IMMP2L: variants seen among roughly 807,000 people sequenced by gnomAD.
The protein encoded by IMMP2L is inner mitochondrial membrane peptidase subunit 2.
IMMP2L carries 18 observed loss-of-function variants against 19.3 expected under a neutral mutation model. The observed-to-expected ratio is 0.93, with a 90% CI of 0.64 to 1.38. The LOEUF is 1.38. Among genes scored for constraint, IMMP2L ranks in the 40% most tolerant of loss-of-function variants. The pLI is 0.00. For synonymous variants in IMMP2L, 76 were observed against 73.0 expected, an observed-to-expected ratio of 1.04 and a Z score of -0.21; for missense variants, 233 against 218.2, an observed-to-expected ratio of 1.07 and a Z score of -0.43.
chr7:111,214,516 T>G (rs1427608015), intron 3 of IMMP2L, among the ~76,000 whole-genome samples: 17 of 144,680 alleles, frequency 1.2e-4, no homozygotes, highest in East Asian at 2.0e-4. Context: ...TTTTTTTTTT[T>G]TTTTTTTTTT....
chr7:111,059,545 T>C (rs536253018), intron 3 of IMMP2L, among the ~76,000 whole-genome samples: 1 of 152,154 alleles, frequency 6.6e-6, no homozygotes, highest in African/African-American at 2.4e-5. Flanking sequence ...TAACACTTCA[T>C]GAGGGGAGGG....
intron 5 of IMMP2L, among the ~76,000 whole-genome samples, 177 bp from the exon 6 acceptor site, chr7:110,663,898 G>T (rs1791241381): frequency 6.6e-6 from 1 of 152,046 alleles, no homozygotes; most frequent in Admixed American, 6.6e-5. Flanking sequence ...AATACAGTAA[G>T]CACTTATATA....
intron 2 of IMMP2L, among the ~76,000 whole-genome samples, chr7:111,517,174 C>T (rs1845943911): frequency 6.6e-6 from 1 of 151,850 alleles, no homozygotes; most frequent in African/African-American, 2.4e-5. Context: ...TAATTTCAAA[C>T]TCAGCAGGAA....
At chr7:110,978,015 C>T (rs186900918) in intron 3 of IMMP2L, among the ~76,000 whole-genome samples, 68 of 151,948 alleles carry the variant, frequency 4.5e-4, no homozygotes, top group Non-Finnish European at 6.2e-4. Context: ...TTGTTCCTCA[C>T]GAAAAACTAG....
At chr7:111,012,991 G>A (rs77151181) in intron 3 of IMMP2L, among the ~76,000 whole-genome samples, 4,903 of 152,178 alleles carry the variant, frequency 0.032, 118 homozygotes, top group South Asian at 0.077. Flanking sequence ...CATACCTGAC[G>A]TATTATACAT....
At chr7:111,458,255 G>A (rs993668545) in intron 3 of IMMP2L, among the ~76,000 whole-genome samples, 11 of 151,842 alleles carry the variant, frequency 7.2e-5, no homozygotes, top group Non-Finnish European at 1.5e-5. Context: ...GCGTGCGCCT[G>A]TACTCCCCAG....
At position 110,766,332 on chromosome 7, in the gene IMMP2L, T is replaced by G. The variant is rs528535610; in HGVS notation, c.409-102611A>C. Among the ~76,000 whole-genome samples, 290 of 152,268 alleles carry G rather than the reference T, an allele frequency of 1.9e-3. 1 individual carries two copies. The highest frequency in any genetic ancestry group is 3.4e-3 in the Non-Finnish European group (233 of 68,018). On this transcript the variant is annotated intron_variant, in intron 5 of 5. Transcript: ENST00000405709. ...GTGGCCGGGCGCAGTGGCTCAGGCC[T>G]GTAATCCCAGCACTTTGGGAGTCTA...
At chr7:111,258,167 AATG>A (rs1685931780) in intron 3 of IMMP2L, among the ~76,000 whole-genome samples, 1 of 152,182 alleles carries the variant, frequency 6.6e-6, no homozygotes, top group South Asian at 2.1e-4. Context: ...TCAACAAAAT[AATG>A]ATAACTAAGA....
At chr7:111,129,787 C>T (rs1421615901) in intron 3 of IMMP2L, among the ~76,000 whole-genome samples, 1 of 152,034 alleles carries the variant, frequency 6.6e-6, no homozygotes, top group Non-Finnish European at 1.5e-5. Context: ...TTACGTTATT[C>T]TTCTAAAGGA....
At chr7:111,181,849 C>T (rs937864058) in intron 3 of IMMP2L, among the ~76,000 whole-genome samples, 2 of 151,920 alleles carry the variant, frequency 1.3e-5, no homozygotes, top group East Asian at 1.9e-4. Flanking sequence ...TTACTTCTTA[C>T]GGCTAAAATA....
At chr7:111,534,402 A>G (rs1182127378) in intron 1 of IMMP2L, among the ~76,000 whole-genome samples, 1 of 152,072 alleles carries the variant, frequency 6.6e-6, no homozygotes, top group Non-Finnish European at 1.5e-5. Flanking sequence ...ATATGAACCC[A>G]TTTATGTGAA....
chr7:110,893,605 G>T (rs1811037841), intron 4 of IMMP2L, among the ~76,000 whole-genome samples: 1 of 152,060 alleles, frequency 6.6e-6, no homozygotes, highest in Admixed American at 6.6e-5. Context: ...GATTCAGGGG[G>T]TACATGTGCA....
At chr7:111,014,390 C>T (rs1035970666) in intron 3 of IMMP2L, among the ~76,000 whole-genome samples, 7 of 151,506 alleles carry the variant, frequency 4.6e-5, no homozygotes, top group African/African-American at 1.5e-4. Flanking sequence ...TATATATATA[C>T]ACACACACAT....
At chr7:111,086,902 T>G (rs192135172) in intron 3 of IMMP2L, among the ~76,000 whole-genome samples, 68 of 152,348 alleles carry the variant, frequency 4.5e-4, no homozygotes, top group African/African-American at 1.6e-3. Flanking sequence ...ACTAATTCCT[T>G]TTTAAAAATA....
chr7:111,138,028 C>G (rs1802513280), intron 3 of IMMP2L, among the ~76,000 whole-genome samples: 1 of 152,020 alleles, frequency 6.6e-6, no homozygotes, highest in Admixed American at 6.6e-5. Flanking sequence ...TGGGGTTTCC[C>G]CATGTTGCGC....
chr7:110,870,322 G>T lies in IMMP2L; in HGVS notation c.408+16271C>A, dbSNP rs1193967788. 6.6e-6 allele frequency among the ~76,000 whole-genome samples: 1 copy of T among 152,034 alleles called. No homozygotes were observed. The highest frequency in any genetic ancestry group is 1.5e-5 in the Non-Finnish European group (1 of 68,006). ...TGACTTCTTATTTCTGAACCAGAAG[G>T]CATCGCGAGTGCTAAACTCACTCAC... is the stretch of plus-strand genomic sequence containing the variant. On this transcript the variant is annotated intron_variant, in intron 5 of 5. Coordinates refer to ENST00000405709, the MANE Select transcript of IMMP2L (RefSeq NM_032549.4). This position sits in a 1 kb window ranked among gnomAD's most constrained non-coding sequence, Gnocchi z 4.2.
chr7:111,056,473 G>A (rs996591989), intron 3 of IMMP2L, among the ~76,000 whole-genome samples: 19 of 152,116 alleles, frequency 1.2e-4, no homozygotes, highest in African/African-American at 4.1e-4. Context: ...CATCAACATC[G>A]TTTCAAGTAG....
At chr7:110,885,097 A>G (rs1159107664) in intron 5 of IMMP2L, among the ~76,000 whole-genome samples, 2 of 152,060 alleles carry the variant, frequency 1.3e-5, no homozygotes, top group Non-Finnish European at 2.9e-5. Flanking sequence ...AACATATCTA[A>G]AGGTATTCAA....
intron 5 of IMMP2L, among the ~76,000 whole-genome samples, chr7:110,734,195 T>C (rs1796464355): frequency 6.6e-6 from 1 of 152,212 alleles, no homozygotes; most frequent in African/African-American, 2.4e-5. Flanking sequence ...AAGAGAGCTG[T>C]AAACAGAGTG....
Sources: allele counts gnomAD v4.1 joint callset (sites outside exome capture counted in the v4.1 genomes callset), GRCh38; gene constraint gnomAD v4.1.1; non-coding constraint Gnocchi (gnomAD v3.1); transcripts MANE v1.5; gene names NCBI Gene and HGNC (gene_info 2026-07-23, HGNC 2026-07-21).